UBE3D: variants seen among roughly 807,000 people sequenced by gnomAD.
UBE3D encodes the protein ubiquitin protein ligase E3D.
In UBE3D, 48 loss-of-function variants were observed where a neutral mutation model predicts 49.6. That is an observed-to-expected ratio of 0.97 (90% confidence interval 0.77 to 1.23). The LOEUF (loss-of-function observed/expected upper bound fraction) is 1.23, where lower values mean the gene tolerates loss of function less well. UBE3D is among the 50% of genes most tolerant of loss of function. The pLI is 0.00. For missense variants in UBE3D, 452 were observed against 468.4 expected, an observed-to-expected ratio of 0.96 and a Z score of 0.32; for synonymous variants, 189 against 174.2, an observed-to-expected ratio of 1.08 and a Z score of -0.67.
intron 8 of UBE3D, among the ~76,000 whole-genome samples, chr6:82,976,278 A>G (rs974804754): frequency 6.6e-6 from 1 of 152,202 alleles, no homozygotes; most frequent in African/African-American, 2.4e-5. Context: ...CTATGGTCCC[A>G]TTAGGTCTTG....
chr6:82,884,834 T>C, the UBE3D span, among the ~76,000 whole-genome samples: 1 of 152,166 alleles, frequency 6.6e-6, no homozygotes, highest in Non-Finnish European at 1.5e-5. Context: ...CTTGTTCTCC[T>C]GAGAACCAGT....
At chr6:82,999,397 T>C (rs1779465982) in intron 8 of UBE3D, among the ~76,000 whole-genome samples, 3 of 152,088 alleles carry the variant, frequency 2.0e-5, no homozygotes, top group Admixed American at 2.0e-4. Context: ...TTGGCTTTTA[T>C]ATTTTTTGAG....
At chr6:83,044,691 G>A (rs9449571) in intron 3 of UBE3D, 32 bp from the exon 4 acceptor site, 1 of 1,505,402 alleles carries the variant, frequency 6.6e-7, no homozygotes, top group Non-Finnish European at 9.2e-7. Context: ...ATTTTTCACA[G>A]AACAAAATGA....
chr6:82,946,327 C>A (rs1775397241), intron 9 of UBE3D, among the ~76,000 whole-genome samples: 1 of 152,084 alleles, frequency 6.6e-6, no homozygotes, highest in Non-Finnish European at 1.5e-5. Flanking sequence ...CAGTGGAAAC[C>A]TTACAGGCCA....
chr6:82,900,021 T>C (rs1279269324), intron 9 of UBE3D, among the ~76,000 whole-genome samples: 6 of 152,214 alleles, frequency 3.9e-5, no homozygotes, highest in Non-Finnish European at 8.8e-5. Flanking sequence ...CCTCAATACA[T>C]GCACACACAC....
intron 9 of UBE3D, among the ~76,000 whole-genome samples, chr6:82,902,137 A>G (rs972085933): frequency 6.6e-6 from 1 of 152,196 alleles, no homozygotes; most frequent in Admixed American, 6.5e-5. Flanking sequence ...TTTGGCTTCA[A>G]AAGTTGGCAC....
chr6:82,961,823 A>G (rs1262102436), intron 8 of UBE3D, among the ~76,000 whole-genome samples: 1 of 152,026 alleles, frequency 6.6e-6, no homozygotes, highest in African/African-American at 2.4e-5. Flanking sequence ...TTAGCCAGGC[A>G]TGGTGATGCA....
At chr6:83,029,067 C>T (rs191390384) in intron 5 of UBE3D, among the ~76,000 whole-genome samples, 146 of 152,260 alleles carry the variant, frequency 9.6e-4, no homozygotes, top group Non-Finnish European at 3.4e-4. Context: ...AACAGATTGA[C>T]GACAACATGC....
At chr6:82,882,402 G>GT in the UBE3D span, among the ~76,000 whole-genome samples, 2 of 152,146 alleles carry the variant, frequency 1.3e-5, no homozygotes, top group African/African-American at 2.4e-5. Context: ...GTTTGCTACT[G>GT]TTTTTTTGTG....
intron 8 of UBE3D, chr6:83,018,346 T>C (rs1780838515): frequency 6.6e-6 from 1 of 152,202 alleles, no homozygotes. Flanking sequence ...ATCTAAAGAA[T>C]CTTCCCTGAC....
At chr6:82,923,837 A>T (rs1319659347) in intron 9 of UBE3D, among the ~76,000 whole-genome samples, 1 of 152,248 alleles carries the variant, frequency 6.6e-6, no homozygotes, top group Non-Finnish European at 1.5e-5. Flanking sequence ...AGTTAAGTTT[A>T]ACTCAAGAAT....
At chr6:82,913,170 T>A (rs1772652599) in intron 9 of UBE3D, among the ~76,000 whole-genome samples, 1 of 152,196 alleles carries the variant, frequency 6.6e-6, no homozygotes, top group Non-Finnish European at 1.5e-5. Flanking sequence ...CTCAGTTTCC[T>A]CATGTGAAAA....
intron 3 of UBE3D, among the ~76,000 whole-genome samples, chr6:83,050,011 C>T (rs536284975): frequency 1.5e-4 from 23 of 152,102 alleles, no homozygotes; most frequent in South Asian, 4.1e-4. Context: ...AACTGCTAAT[C>T]TGGTAAAATG....
intron 8 of UBE3D, among the ~76,000 whole-genome samples, chr6:82,969,650 A>G (rs1777206185): frequency 6.6e-6 from 1 of 152,224 alleles, no homozygotes; most frequent in East Asian, 1.9e-4. Context: ...CAAAAAAGAC[A>G]AAGAGCTACA....
intron 9 of UBE3D, among the ~76,000 whole-genome samples, chr6:82,920,592 C>T (rs115203709): frequency 5.1e-4 from 78 of 152,280 alleles, no homozygotes; most frequent in African/African-American, 1.7e-3. Context: ...GTTTCGGTGT[C>T]CTCCTCTTTA....
At chr6:83,049,808 C>T (rs1180149387) in intron 3 of UBE3D, 1 of 470,712 alleles carries the variant, frequency 2.1e-6, no homozygotes, top group Non-Finnish European at 4.4e-6. Flanking sequence ...AAAGTTTGGC[C>T]AACTGATTTC....
At chr6:83,030,424 T>A (rs1298591947) in intron 5 of UBE3D, among the ~76,000 whole-genome samples, 2 of 152,148 alleles carry the variant, frequency 1.3e-5, no homozygotes, top group Admixed American at 1.3e-4. Flanking sequence ...CTGCACAAGC[T>A]CTCTTGCCTG....
chr6:82,942,625 G>A (rs1312521222), intron 9 of UBE3D, among the ~76,000 whole-genome samples: 1 of 152,214 alleles, frequency 6.6e-6, no homozygotes, highest in Non-Finnish European at 1.5e-5. Context: ...TACAGCTCAG[G>A]TCATTGTTTC....
At chr6:82,889,762 G>A (rs971604821), downstream of UBE3D, among the ~76,000 whole-genome samples, 1 of 151,820 alleles carries the variant, frequency 6.6e-6, no homozygotes, top group Non-Finnish European at 1.5e-5. Flanking sequence ...CTCGATGCGG[G>A]CAAGGACTTT....
Sources: gnomAD v4.1 joint callset for allele counts (sites outside exome capture counted in the v4.1 genomes callset) on GRCh38, gnomAD v4.1.1 for gene constraint, MANE v1.5 for transcripts, NCBI Gene and HGNC (gene_info 2026-07-23, HGNC 2026-07-21) for gene names.